RFTN1: variants seen among roughly 807,000 people sequenced by gnomAD.
The protein encoded by RFTN1 is raftlin, lipid raft linker 1.
RFTN1 carries 26 observed loss-of-function variants against 46.5 expected under a neutral mutation model. The observed-to-expected ratio is 0.56, with a 90% CI of 0.41 to 0.78. The LOEUF (loss-of-function observed/expected upper bound fraction) is 0.78. RFTN1 is among the 30% of genes least tolerant of loss of function. The probability of loss-of-function intolerance (pLI) is 0.00; values close to 1 mark genes in which losing one functional copy is unlikely to be tolerated. For synonymous variants in RFTN1, 261 were observed against 284.2 expected (o/e 0.92, Z 0.82); for missense variants, 693 against 718.7 (o/e 0.96, Z 0.41).
chr3:16,498,737 C>T lies in RFTN1; in HGVS notation c.-8-4860G>A, dbSNP rs1024578203. Among the ~76,000 whole-genome samples the T allele has an allele frequency of 2.0e-5, 3 of 152,192 alleles. No homozygotes were observed. Among genetic ancestry groups the T allele is most frequent in the African/African-American group, 7.2e-5 (3 of 41,458 alleles). On this transcript the variant is annotated intron_variant, in intron 1 of 9. Transcript: ENST00000334133. This position sits in a 1 kb window ranked among gnomAD's most constrained non-coding sequence, Gnocchi z 5.2. ...GCTAGCCTGCTCCCTGCTGCCACAC[C>T]GGCATTCCTTTCATTTCGCCCTGGA... is the stretch of plus-strand genomic sequence containing the variant.
rs1467821848 is a variant in RFTN1 at position 16,473,533 on chromosome 3, T to C, written c.145+20192A>G. On this transcript the variant is annotated intron_variant, in intron 2 of 9. Coordinates refer to ENST00000334133, the MANE Select transcript of RFTN1 (RefSeq NM_015150.2). The surrounding 1 kb of genome is among the most constrained non-coding windows in gnomAD (Gnocchi z 5.3). Reference sequence around the variant, plus strand: ...CTCCTGCCTCAGCCTCCCAAGGAGCTGGGACTACAGGCATGCACCGCCCTG... The same window carrying C: ...CTCCTGCCTCAGCCTCCCAAGGAGCCGGGACTACAGGCATGCACCGCCCTG... Among the ~76,000 whole-genome samples the C allele has an allele frequency of 2.0e-5, 3 of 151,990 alleles. No individual in the cohort carries two copies. In the East Asian group the frequency reaches 5.8e-4, roughly 29 times the overall value.
rs2075608970 is a variant in RFTN1, at chr3:16,440,912, A to G, written c.146-6875T>C. On this transcript the variant is annotated intron_variant, in intron 2 of 9. Coordinates refer to ENST00000334133, the MANE Select transcript of RFTN1 (RefSeq NM_015150.2). This position sits in a 1 kb window ranked among gnomAD's most constrained non-coding sequence, Gnocchi z 4.6. ...CCTATTTCTGATCCTGCCACTGTCC[A>G]GGCGCAGTGTGAGCATCAGTCATAC... Among the ~76,000 whole-genome samples the G allele has an allele frequency of 6.6e-6, 1 of 152,180 alleles. No homozygotes were observed. Among genetic ancestry groups the G allele is most frequent in the Non-Finnish European group, 1.5e-5 (1 of 68,022 alleles).
Position 16,442,709 on chromosome 3 carries a change from C to T in RFTN1, c.146-8672G>A, listed in dbSNP as rs555397867. Among the ~76,000 whole-genome samples, 9 of 152,288 alleles carry T rather than the reference C, an allele frequency of 5.9e-5. No homozygotes were observed. In the South Asian group the frequency reaches 1.7e-3, roughly 28 times the overall value. ...TATCATACATAACTGCAACTTTGTACCTTTGACCTACAACTCCCCATCTCC... is the reference window on the plus strand; with the variant it reads ...TATCATACATAACTGCAACTTTGTATCTTTGACCTACAACTCCCCATCTCC... On this transcript the variant is annotated intron_variant, in intron 2 of 9. Transcript: ENST00000334133. The surrounding 1 kb of genome is among the most constrained non-coding windows in gnomAD (Gnocchi z 4.1).
intron 6 of RFTN1, among the ~76,000 whole-genome samples, chr3:16,364,009 T>G (rs1236301955): frequency 6.6e-6 from 1 of 152,252 alleles, no homozygotes; most frequent in Non-Finnish European, 1.5e-5. Context: ...GCAGCTAATT[T>G]GCTCTATTAA....
chr3:16,406,401 G>A (rs182891881), intron 4 of RFTN1, among the ~76,000 whole-genome samples: 77 of 152,272 alleles, frequency 5.1e-4, no homozygotes, highest in Non-Finnish European at 7.9e-4. Context: ...GGGGGCAAAC[G>A]GTGGGGCAAC....
At position 16,327,944 on chromosome 3, in the gene RFTN1, C is replaced by G. The variant is rs1295661163; in HGVS notation, c.1147-1068G>C. ...GCCCCCACCCCTGCTCTGTGTGTAA[C>G]TGGACTCCTCATCCCTCATAGTTTG... On this transcript the variant is annotated intron_variant, in intron 7 of 9. Coordinates refer to ENST00000334133, the MANE Select transcript of RFTN1 (RefSeq NM_015150.2). The surrounding 1 kb of genome is among the most constrained non-coding windows in gnomAD (Gnocchi z 4.2). 1.3e-5 allele frequency among the ~76,000 whole-genome samples: 2 copies of G among 152,248 alleles called. No homozygotes were observed. The highest frequency in any genetic ancestry group is 4.1e-4 in the South Asian group (2 of 4,834).
At chr3:16,496,205 T>C (rs2076624291) in intron 1 of RFTN1, among the ~76,000 whole-genome samples, 1 of 152,234 alleles carries the variant, frequency 6.6e-6, no homozygotes, top group Admixed American at 6.5e-5. Flanking sequence ...ATTTCTGTGG[T>C]GTAAACACAC....
At chr3:16,439,556 G>A (rs1467331478) in intron 2 of RFTN1, among the ~76,000 whole-genome samples, 1 of 152,188 alleles carries the variant, frequency 6.6e-6, no homozygotes, top group Admixed American at 6.5e-5. Context: ...TGGAGGCTGA[G>A]GTACCAGTTT....
At chr3:16,318,348 A>G (rs2068662044) in intron 9 of RFTN1, among the ~76,000 whole-genome samples, 1 of 152,152 alleles carries the variant, frequency 6.6e-6, no homozygotes, top group Non-Finnish European at 1.5e-5. Context: ...TATATAATTG[A>G]GAGAAAAAGG....
chr3:16,483,445 C>CA lies in RFTN1; in HGVS notation c.145+10279dup, dbSNP rs529021542. On this transcript the variant is annotated intron_variant, in intron 2 of 9. Transcript: ENST00000334133. The surrounding 1 kb of genome is among the most constrained non-coding windows in gnomAD (Gnocchi z 4.8). The stretch of plus-strand genomic sequence containing the variant: ...CACAGACTTAAGCTGAGTCTGTTGA[C>CA]ACCTGTTCTGTAGTGTCAACTGTAG... Among the ~76,000 whole-genome samples, 53 of 152,272 alleles carry CA rather than the reference C, an allele frequency of 3.5e-4. No individual in the cohort carries two copies. The highest frequency in any genetic ancestry group is 2.4e-3 in the Admixed American group (37 of 15,298).
intron 2 of RFTN1, chr3:16,482,841 C>G (rs1372420402): frequency 6.5e-7 from 1 of 1,535,734 alleles, no homozygotes; most frequent in African/African-American, 1.4e-5. Flanking sequence ...AGCCTTTCTG[C>G]CATGAAGATG....
chr3:16,433,853 G>A lies in RFTN1; in HGVS notation c.330C>T (p.Asp110=). The A allele has an allele frequency of 1.9e-6, 3 of 1,614,114 alleles. No individual in the cohort carries two copies. Among genetic ancestry groups the A allele is most frequent in the Admixed American group, 1.7e-5 (1 of 60,020 alleles). The change falls in exon 3 of 10, where the codon GAC becomes GAT. Residue 110 remains aspartate (D), a splice_region_variant and synonymous_variant. Transcript: ENST00000334133. The surrounding 1 kb of genome is among the most constrained non-coding windows in gnomAD (Gnocchi z 4.4). ...IFRAILIKKT[D]RSQKTDLHNE... ...CCATTCACCCGTGGAGGCCTTACCT[G>A]TCGGTTTTCTTGATCAGGATGGCTC...
intron 4 of RFTN1, among the ~76,000 whole-genome samples, chr3:16,399,337 G>T (rs1185886394): frequency 1.3e-5 from 2 of 152,100 alleles, no homozygotes; most frequent in African/African-American, 2.4e-5. Context: ...ACCTCTATAG[G>T]ATAAATGGCA....
chr3:16,469,647 C>A (rs1175514287), intron 2 of RFTN1, among the ~76,000 whole-genome samples: 2 of 152,224 alleles, frequency 1.3e-5, no homozygotes, highest in African/African-American at 4.8e-5. Context: ...AGAGAGAGGA[C>A]CAGGAGCTTG....
At position 16,480,859 on chromosome 3, in the gene RFTN1, A is replaced by C. The variant is rs748785311; in HGVS notation, c.145+12866T>G. Among the ~76,000 whole-genome samples, 110 of 152,328 alleles carry C rather than the reference A, an allele frequency of 7.2e-4. No homozygotes were observed. Among genetic ancestry groups the C allele is most frequent in the Non-Finnish European group, 1.2e-3 (81 of 68,024 alleles). ...CACTACCTCAAGGCTGCTTTTATGA[A>C]TCCCTGCAGAAAAATAATTTGGTTT... On this transcript the variant is annotated intron_variant, in intron 2 of 9. Transcript: ENST00000334133. This position sits in a 1 kb window ranked among gnomAD's most constrained non-coding sequence, Gnocchi z 4.3.
At chr3:16,364,587 CA>C (rs1183418121) in intron 6 of RFTN1, among the ~76,000 whole-genome samples, 1 of 152,030 alleles carries the variant, frequency 6.6e-6, no homozygotes, top group East Asian at 1.9e-4. Flanking sequence ...AGTTGGGTCA[CA>C]ATGAGATGGG....
rs139024621 is a variant in RFTN1 at position 16,501,246 on chromosome 3, T to C, written c.-8-7369A>G. Among the ~76,000 whole-genome samples, 4 of 152,332 alleles carry C rather than the reference T, an allele frequency of 2.6e-5. No homozygotes were observed. In the East Asian group the frequency reaches 5.8e-4, roughly 22 times the overall value. Reference sequence around the variant, plus strand: ...ACAATGTCCTGTGTCATTTTAAATGTTGAAATGTTTAAATTATTATTTTAA... The same window carrying C: ...ACAATGTCCTGTGTCATTTTAAATGCTGAAATGTTTAAATTATTATTTTAA... On this transcript the variant is annotated intron_variant, in intron 1 of 9. Coordinates refer to ENST00000334133, the MANE Select transcript of RFTN1 (RefSeq NM_015150.2).
rs949887972 is a variant in RFTN1, at chr3:16,356,234, A to G, written c.1146+1698T>C. On this transcript the variant is annotated intron_variant, in intron 7 of 9. Coordinates refer to ENST00000334133, the MANE Select transcript of RFTN1 (RefSeq NM_015150.2). This position sits in a 1 kb window ranked among gnomAD's most constrained non-coding sequence, Gnocchi z 4.9. ...TTGGACTGAGCTTTACTTCCTCTGC[A>G]TCCCATTTCTAGTTAGGAGCATGGA... is the stretch of plus-strand genomic sequence containing the variant. Among the ~76,000 whole-genome samples, 2 of 152,120 alleles carry G rather than the reference A, an allele frequency of 1.3e-5. No homozygotes were observed. The highest frequency in any genetic ancestry group is 4.8e-5 in the African/African-American group (2 of 41,422).
In RFTN1 at chr3:16,484,231, A is replaced by C. The variant is rs900240151; in HGVS notation, c.145+9494T>G. 1.3e-5 allele frequency among the ~76,000 whole-genome samples: 2 copies of C among 152,222 alleles called. No individual in the cohort carries two copies. The highest frequency in any genetic ancestry group is 4.8e-5 in the African/African-American group (2 of 41,458). Reference sequence around the variant, plus strand: ...TTCCCAGCCGTGAAGGGAGACTGAAAGGACAACTCTTATAAACAATGATTA... The same window carrying C: ...TTCCCAGCCGTGAAGGGAGACTGAACGGACAACTCTTATAAACAATGATTA... On this transcript the variant is annotated intron_variant, in intron 2 of 9. Coordinates refer to ENST00000334133, the MANE Select transcript of RFTN1 (RefSeq NM_015150.2). This position sits in a 1 kb window ranked among gnomAD's most constrained non-coding sequence, Gnocchi z 4.6.
Sources: gnomAD v4.1 joint callset for allele counts (sites outside exome capture counted in the v4.1 genomes callset) on GRCh38, gnomAD v4.1.1 for gene constraint, Gnocchi (gnomAD v3.1) non-coding constraint, MANE v1.5 for transcripts, NCBI Gene and HGNC (gene_info 2026-07-23, HGNC 2026-07-21) for gene names.